The following TNMD variants were observed in gnomAD, a reference collection of about 807,000 sequenced individuals.
TNMD encodes the protein BRICHOS domain containing 4.
A neutral mutation model predicts 26.9 loss-of-function variants in TNMD; 15 were observed. The ratio of observed to expected loss-of-function variants is 0.56; its 90% CI spans 0.37 to 0.86. The LOEUF is 0.86. Ranked by LOEUF, TNMD falls within the 40% of genes least tolerant of loss-of-function variation. The pLI is 0.00. For synonymous variants in TNMD, 73 were observed against 77.0 expected (o/e 0.95, Z 0.27); for missense variants, 222 against 242.6 (o/e 0.92, Z 0.56).
chrX:100,593,704 A>G, intron 2 of TNMD, 191 bp from the exon 3 acceptor site: 1 of 404,929 alleles, frequency 2.5e-6, no homozygotes, highest in Non-Finnish European at 4.0e-6. Context: ...GCTGGTTTGC[A>G]AACTATCATT....
chrX:100,597,552 C>T lies in TNMD; in HGVS notation c.472C>T (p.Pro158Ser), dbSNP rs760570279. The T allele has an allele frequency of 8.3e-7, 1 of 1,209,959 alleles. No individual in the cohort carries two copies. Among genetic ancestry groups the T allele is most frequent in the South Asian group, 1.8e-5 (1 of 56,769 alleles). ...CTTTGAACAGTCAGTGATTTGGGTC[C>T]CAGCAGAAAAGCCTATTGAAAACCG... is the stretch of plus-strand genomic sequence containing the variant. ...TFFEQSVIWVPAEKPIENRDF... is the reference protein window; with the variant it reads ...TFFEQSVIWVSAEKPIENRDF... Residue 158 changes from proline (P) to serine (S), a missense_variant, in exon 5 of 7, where the codon CCA (proline) becomes TCA (serine). Transcript: ENST00000373031.
Position 100,598,101 on chromosome X carries a change from A to G in TNMD, c.577+444A>G, listed in dbSNP as rs766673544. On this transcript the variant is annotated intron_variant, in intron 5 of 6. Transcript: ENST00000373031. Reference sequence around the variant, plus strand: ...GAAGATAGGACAATCACTGCAATACAAATTTCTTTGTTGCTGTTTTAGGAA... The same window carrying G: ...GAAGATAGGACAATCACTGCAATACGAATTTCTTTGTTGCTGTTTTAGGAA... Among the ~76,000 whole-genome samples the G allele has an allele frequency of 3.6e-5, 4 of 112,055 alleles. No individual in the cohort carries two copies. The East Asian group carries it at 1.1e-3, about 31-fold the overall frequency.
chrX:100,585,140 A>G (rs2082918329), intron 1 of TNMD, 74 bp downstream of exon 1: 1 of 1,180,920 alleles, frequency 8.5e-7, no homozygotes. Context: ...CAAAGTGAAC[A>G]TTAGAAAGTG....
chrX:100,591,686 C>A (rs1434420983), intron 2 of TNMD, among the ~76,000 whole-genome samples: 1 of 111,678 alleles, frequency 9.0e-6, no homozygotes, highest in Non-Finnish European at 1.9e-5. Context: ...CAAGGATTCA[C>A]ACATAAACGA....
In TNMD at chrX:100,585,076, T is replaced by C; in HGVS notation, c.48+10T>C. ...CTGTCACATTCTAAATGTAAGTTGA[T>C]TCATATTTTTTCCCTTTTGAGCAGA... On this transcript the variant is annotated intron_variant, in intron 1 of 6. Coordinates refer to ENST00000373031, the MANE Select transcript of TNMD (RefSeq NM_022144.3). The C allele has an allele frequency of 2.5e-6, 3 of 1,204,603 alleles. No homozygotes were observed. Among genetic ancestry groups the C allele is most frequent in the Non-Finnish European group, 3.4e-6 (3 of 890,765 alleles).
At position 100,599,602 on chromosome X, in the gene TNMD, G is replaced by A; in HGVS notation, c.839G>A (p.Cys280Tyr). The change falls in exon 7 of 7, where the codon TGT becomes TAT. Residue 280 changes from cysteine (C) to tyrosine (Y), a missense_variant. Cys to Tyr is a radical substitution (Grantham distance 194). Transcript: ENST00000373031. ...GGCAACCGCTATTGCCGCCGCGTCTGTGAACCTTTACTAGGCTACTACCCA... is the reference window on the plus strand; with the variant it reads ...GGCAACCGCTATTGCCGCCGCGTCTATGAACCTTTACTAGGCTACTACCCA... ...RRGNRYCRRV[C>Y]EPLLGYYPYP... is the part of the protein sequence containing the mutation. The A allele has an allele frequency of 8.3e-7, 1 of 1,211,547 alleles. No individual in the cohort carries two copies.
chrX:100,597,608 G>A lies in TNMD; in HGVS notation c.528G>A (p.Glu176=). The part of the protein sequence containing the change: ...RDFLKNSKIL[E]ICDNVTMYWI... Reference sequence around the variant, plus strand: ...TTCTTAAAAATTCCAAAATTCTGGAGATTTGTGATAACGTGACCATGTATT... The same window carrying A: ...TTCTTAAAAATTCCAAAATTCTGGAAATTTGTGATAACGTGACCATGTATT... Residue 176 remains glutamate, a synonymous_variant, in exon 5 of 7, where the codon GAG becomes GAA. Coordinates refer to ENST00000373031, the MANE Select transcript of TNMD (RefSeq NM_022144.3). 1 of 1,211,269 alleles carries A rather than the reference G, an allele frequency of 8.3e-7. No homozygotes were observed. Among genetic ancestry groups the A allele is most frequent in the Non-Finnish European group, 1.1e-6 (1 of 895,045 alleles).
Position 100,599,045 on chromosome X carries a change from G to A in TNMD, c.607G>A (p.Gly203Arg). The A allele has an allele frequency of 1.7e-6, 2 of 1,205,305 alleles. No individual in the cohort carries two copies. Among genetic ancestry groups the A allele is most frequent in the East Asian group, 3.0e-5 (1 of 33,686 alleles). ...TGAGTTACAAGACTTTGAGGAGGAG[G>A]GAGAAGATCTTCACTTTCCTGCCAA... is the stretch of plus-strand genomic sequence containing the variant. ...VSELQDFEEE[G>R]EDLHFPANEK... Residue 203 changes from glycine to arginine, a missense_variant, in exon 6 of 7, where the codon GGA becomes AGA. Physicochemically the swap from Gly to Arg is moderately radical, Grantham distance 125 (BLOSUM62 -2). Transcript: ENST00000373031.
chrX:100,586,386 G>A (rs1415269223), intron 2 of TNMD, among the ~76,000 whole-genome samples: 1 of 111,608 alleles, frequency 9.0e-6, no homozygotes, highest in Non-Finnish European at 1.9e-5. Context: ...ACAAGAAAAT[G>A]GGTTGGCATG....
chrX:100,590,136 C>T (rs1365579997), intron 2 of TNMD, among the ~76,000 whole-genome samples: 1 of 111,924 alleles, frequency 8.9e-6, no homozygotes, highest in Non-Finnish European at 1.9e-5. Flanking sequence ...TACCCAGAGG[C>T]CCTTTAATTC....
At chrX:100,589,633 G>A (rs886479524) in intron 2 of TNMD, among the ~76,000 whole-genome samples, 1 of 111,512 alleles carries the variant, frequency 9.0e-6, no homozygotes, top group Non-Finnish European at 1.9e-5. Flanking sequence ...TTCTGGAGTG[G>A]TTGAGAGTGG....
In TNMD at chrX:100,591,070, A is replaced by G. The variant is rs146627908; in HGVS notation, c.181-2825A>G. Among the ~76,000 whole-genome samples the G allele has an allele frequency of 1.0e-3, 112 of 111,657 alleles. 1 individual carries two copies. In the East Asian group the frequency reaches 0.029, roughly 29 times the overall value. On this transcript the variant is annotated intron_variant, in intron 2 of 6. Transcript: ENST00000373031. Reference sequence around the variant, plus strand: ...TCCTAGATGTCTAGACAGGAGACAAAGGGACAGAAATGGGAAGAGAAAGGG... The same window carrying G: ...TCCTAGATGTCTAGACAGGAGACAAGGGGACAGAAATGGGAAGAGAAAGGG...
rs188679798 is a variant in TNMD, at chrX:100,592,296, G to A, written c.181-1599G>A. On this transcript the variant is annotated intron_variant, in intron 2 of 6. Transcript: ENST00000373031. The stretch of plus-strand genomic sequence containing the variant: ...AGTTTCTCTTCTCAAGCTGGCTGCA[G>A]AGCTGGAACTGAGGACATATTTATT... Among the ~76,000 whole-genome samples, 6 of 112,150 alleles carry A rather than the reference G, an allele frequency of 5.3e-5. No homozygotes were observed. The East Asian group carries it at 1.7e-3, about 31-fold the overall frequency.
At chrX:100,593,261 C>T in intron 2 of TNMD, 1 of 673,795 alleles carries the variant, frequency 1.5e-6, no homozygotes, top group Non-Finnish European at 1.8e-6. Context: ...ATCCGTAGAA[C>T]TTGAAAACAA....
chrX:100,591,728 A>C (rs1005261445), intron 2 of TNMD, among the ~76,000 whole-genome samples: 2 of 111,789 alleles, frequency 1.8e-5, no homozygotes, highest in Non-Finnish European at 3.8e-5. Context: ...GTAACTTATC[A>C]TTACTAACAT....
At chrX:100,585,400 T>C (rs774646363) in intron 2 of TNMD, 38 bp downstream of exon 2, 3 of 1,139,127 alleles carry the variant, frequency 2.6e-6, no homozygotes, top group Non-Finnish European at 3.5e-6. Flanking sequence ...GCTTCTGTTC[T>C]GAGTTTGATT....
At chrX:100,591,974 A>G (rs2082939031) in intron 2 of TNMD, among the ~76,000 whole-genome samples, 1 of 111,311 alleles carries the variant, frequency 9.0e-6, no homozygotes, top group Admixed American at 9.5e-5. Flanking sequence ...GTCTTCTACC[A>G]GTGATTGAAA....
At chrX:100,598,228 G>A (rs368133489) in intron 5 of TNMD, among the ~76,000 whole-genome samples, 1 of 111,522 alleles carries the variant, frequency 9.0e-6, no homozygotes, top group African/African-American at 3.3e-5. Flanking sequence ...GGATGTCTTA[G>A]TCTGTTTAGC....
intron 2 of TNMD, among the ~76,000 whole-genome samples, chrX:100,592,070 C>T (rs1051977880): frequency 2.0e-4 from 22 of 111,411 alleles, no homozygotes; most frequent in Admixed American, 9.5e-4. Context: ...TACAATAATC[C>T]ATCAGTGGTG....
Sources: gnomAD v4.1 joint callset for allele counts (sites outside exome capture counted in the v4.1 genomes callset) on GRCh38, gnomAD v4.1.1 for gene constraint, MANE v1.5 for transcripts, NCBI Gene and HGNC (gene_info 2026-07-23, HGNC 2026-07-21) for gene names.